The following PARD3B variants were observed in gnomAD, a reference collection of about 807,000 sequenced individuals.
The protein encoded by PARD3B is partitioning defective 3 homolog B.
Under a neutral mutation model 130.2 loss-of-function variants are expected in PARD3B, and 103 were observed. That is an observed-to-expected ratio of 0.79 (90% CI 0.67 to 0.93). The LOEUF (loss-of-function observed/expected upper bound fraction) is 0.93. Among genes scored for constraint, PARD3B ranks in the 40% least tolerant of loss-of-function variants. PARD3B has a pLI of 0.00. For synonymous variants in PARD3B, 583 were observed against 553.2 expected (o/e 1.05, Z -0.76); for missense variants, 1,609 against 1,499.2 (o/e 1.07, Z -1.21).
At chr2:204,933,919 G>C (rs1688216729) in intron 2 of PARD3B, among the ~76,000 whole-genome samples, 1 of 152,170 alleles carries the variant, frequency 6.6e-6, no homozygotes, top group East Asian at 1.9e-4. Context: ...CTTGCTTGAT[G>C]CTTCCTTGTA....
intron 22 of PARD3B, among the ~76,000 whole-genome samples, chr2:205,600,474 T>C (rs2054741898): frequency 6.6e-6 from 1 of 152,192 alleles, no homozygotes; most frequent in Admixed American, 6.6e-5. Flanking sequence ...GGTGGTGTTG[T>C]TGTTAACTCA....
chr2:205,551,861 C>CA (rs1418248813), intron 21 of PARD3B, among the ~76,000 whole-genome samples: 12 of 152,132 alleles, frequency 7.9e-5, no homozygotes, highest in Admixed American at 6.5e-4. Context: ...TGCTTACTGG[C>CA]AAAATCTCTT....
At chr2:205,094,933 CAG>C (rs1464679530) in intron 4 of PARD3B, among the ~76,000 whole-genome samples, 1 of 151,958 alleles carries the variant, frequency 6.6e-6, no homozygotes, top group African/African-American at 2.4e-5. Flanking sequence ...TTCTATTTAC[CAG>C]CTTTAGGTGA....
chr2:204,753,650 C>G (rs542129448), intron 2 of PARD3B, among the ~76,000 whole-genome samples: 3 of 152,200 alleles, frequency 2.0e-5, no homozygotes, highest in South Asian at 4.2e-4. Context: ...ATTTTCTTAT[C>G]AATAAAATGA....
chr2:205,393,446 A>G (rs1652579619), intron 18 of PARD3B, among the ~76,000 whole-genome samples: 2 of 152,204 alleles, frequency 1.3e-5, no homozygotes, highest in South Asian at 2.1e-4. Flanking sequence ...CAGATGTCAG[A>G]CTTTAATAGT....
chr2:205,494,737 A>G lies in PARD3B; in HGVS notation c.3045-5159A>G, dbSNP rs1195270102. Among the ~76,000 whole-genome samples the G allele has an allele frequency of 2.6e-5, 4 of 152,334 alleles. 1 individual carries two copies. The highest frequency in any genetic ancestry group is 5.9e-5 in the Non-Finnish European group (4 of 68,026). ...ACCGCAGCCACAGAATGCCTGCTGCATTTTAATGCCTTTCTTGCGAGGCAA... is the reference window on the plus strand; with the variant it reads ...ACCGCAGCCACAGAATGCCTGCTGCGTTTTAATGCCTTTCTTGCGAGGCAA... On this transcript the variant is annotated intron_variant, in intron 20 of 22. Coordinates refer to ENST00000406610, the MANE Select transcript of PARD3B (RefSeq NM_001302769.2).
intron 11 of PARD3B, among the ~76,000 whole-genome samples, chr2:205,168,291 G>GGGAGAA (rs1302620357): frequency 1.9e-5 from 2 of 106,508 alleles, no homozygotes; most frequent in Non-Finnish European, 4.0e-5. Context: ...GAGAAAGGGA[G>GGGAGAA]AGAGAGAGAG....
chr2:204,778,548 A>G (rs1490498584), intron 2 of PARD3B, among the ~76,000 whole-genome samples: 1 of 152,146 alleles, frequency 6.6e-6, no homozygotes, highest in Non-Finnish European at 1.5e-5. Flanking sequence ...ATGATAGTGT[A>G]AAGTGCAGTA....
At position 204,890,856 on chromosome 2, in the gene PARD3B, G is replaced by T. The variant is rs886647854; in HGVS notation, c.223-74296G>T. On this transcript the variant is annotated intron_variant, in intron 2 of 22. Coordinates refer to ENST00000406610, the MANE Select transcript of PARD3B (RefSeq NM_001302769.2). This position sits in a 1 kb window ranked among gnomAD's most constrained non-coding sequence, Gnocchi z 4.9. ...TTTGCTGTCTGGAGGGTATTGTTTTGGATGCGGATGTTGTTTAGGATTTAA... is the reference window on the plus strand; with the variant it reads ...TTTGCTGTCTGGAGGGTATTGTTTTTGATGCGGATGTTGTTTAGGATTTAA... Among the ~76,000 whole-genome samples, 1 of 152,076 alleles carries T rather than the reference G, an allele frequency of 6.6e-6. No individual in the cohort carries two copies. The highest frequency in any genetic ancestry group is 1.5e-5 in the Non-Finnish European group (1 of 68,018).
chr2:205,471,353 C>CTT (rs769669913), intron 20 of PARD3B, among the ~76,000 whole-genome samples: 10,624 of 85,498 alleles, frequency 0.12, 1,370 homozygotes, highest in African/African-American at 0.32. Flanking sequence ...ACTCACTTTT[C>CTT]TTTTTTTTTT....
chr2:204,676,397 G>A (rs1269700210), intron 1 of PARD3B, among the ~76,000 whole-genome samples: 1 of 152,008 alleles, frequency 6.6e-6, no homozygotes, highest in Non-Finnish European at 1.5e-5. Flanking sequence ...GCTTGGGGAT[G>A]CACAGTAACA....
intron 10 of PARD3B, among the ~76,000 whole-genome samples, chr2:205,141,890 G>A (rs1213097687): frequency 6.6e-6 from 1 of 152,160 alleles, no homozygotes; most frequent in African/African-American, 2.4e-5. Context: ...TAATTTTAAT[G>A]AGAACGTGGC....
Position 205,341,249 on chromosome 2 carries a change from T to G in PARD3B, c.2630+39548T>G, listed in dbSNP as rs2043517987. Among the ~76,000 whole-genome samples, 1 of 152,028 alleles carries G rather than the reference T, an allele frequency of 6.6e-6. No individual in the cohort carries two copies. Among genetic ancestry groups the G allele is most frequent in the Non-Finnish European group, 1.5e-5 (1 of 67,954 alleles). On this transcript the variant is annotated intron_variant, in intron 18 of 22. Transcript: ENST00000406610. This position sits in a 1 kb window ranked among gnomAD's most constrained non-coding sequence, Gnocchi z 4.3. ...CCAACAATCCCACTACTGGGTATTT[T>G]TAAAGGAAAGGAGTCAGTATATCAA...
intron 21 of PARD3B, among the ~76,000 whole-genome samples, chr2:205,521,784 T>C (rs901896777): frequency 6.6e-5 from 10 of 152,128 alleles, no homozygotes; most frequent in African/African-American, 2.4e-4. Flanking sequence ...TTAGCTGTTT[T>C]ATACAGAAGG....
At chr2:204,694,289 G>A (rs949924447) in intron 2 of PARD3B, among the ~76,000 whole-genome samples, 3 of 152,034 alleles carry the variant, frequency 2.0e-5, no homozygotes, top group African/African-American at 7.2e-5. Flanking sequence ...TTATAGAAAC[G>A]ATTAAGTGGT....
chr2:205,176,630 T>G lies in PARD3B; in HGVS notation c.1924+53T>G, dbSNP rs542041241. 4.2e-6 allele frequency: 6 copies of G among 1,436,502 alleles called. No individual in the cohort carries two copies. Among genetic ancestry groups the G allele is most frequent in the East Asian group, 5.1e-5 (2 of 39,096 alleles). The allele number at this position is 1,436,502 out of a possible 1,614,324, so 89.0% of individuals were successfully genotyped here. On this transcript the variant is annotated intron_variant, in intron 13 of 22. Coordinates refer to ENST00000406610, the MANE Select transcript of PARD3B (RefSeq NM_001302769.2). This position sits in a 1 kb window ranked among gnomAD's most constrained non-coding sequence, Gnocchi z 5.3. ...CAAATGGAGTGAGAAAACACAAAAGTGTCTTTTTATCTAAAAAAAAAAAAA... is the reference window on the plus strand; with the variant it reads ...CAAATGGAGTGAGAAAACACAAAAGGGTCTTTTTATCTAAAAAAAAAAAAA...
At chr2:204,867,118 C>G (rs2045456468) in intron 2 of PARD3B, among the ~76,000 whole-genome samples, 1 of 152,028 alleles carries the variant, frequency 6.6e-6, no homozygotes, top group African/African-American at 2.4e-5. Context: ...CTTATCAAAA[C>G]AGTGCTTTCC....
At chr2:204,554,078 A>T (rs2030741370) in intron 1 of PARD3B, among the ~76,000 whole-genome samples, 1 of 152,066 alleles carries the variant, frequency 6.6e-6, no homozygotes, top group Non-Finnish European at 1.5e-5. Context: ...TCTTAAGCAC[A>T]TGCTTCCTGG....
intron 1 of PARD3B, among the ~76,000 whole-genome samples, chr2:204,684,450 A>G (rs2036982700): frequency 6.6e-6 from 1 of 152,190 alleles, no homozygotes; most frequent in East Asian, 1.9e-4. Flanking sequence ...AATACTTAAT[A>G]TTTCCGTCAG....
Sources: gnomAD v4.1 joint callset for allele counts (sites outside exome capture counted in the v4.1 genomes callset) on GRCh38, gnomAD v4.1.1 for gene constraint, Gnocchi (gnomAD v3.1) non-coding constraint, MANE v1.5 for transcripts, NCBI Gene and HGNC (gene_info 2026-07-23, HGNC 2026-07-21) for gene names.